Variants in KANK1 observed in about 807,000 individuals in gnomAD.
The protein encoded by KANK1 is KN motif and ankyrin repeat domains 1.
A neutral mutation model predicts 106.2 loss-of-function variants in KANK1; 109 were observed. The ratio of observed to expected loss-of-function variants is 1.03; its 90% CI spans 0.88 to 1.20. The LOEUF is 1.20. KANK1 is among the 50% of genes most tolerant of loss of function. The pLI, the probability that KANK1 is intolerant of heterozygous loss-of-function variation, is 0.00. For missense variants in KANK1, 2,399 were observed against 1,710.7 expected (o/e 1.40, Z -7.10); for synonymous variants, 873 against 652.2 (o/e 1.34, Z -5.16).
At chr9:556,789 T>G (rs1587782558) in intron 1 of KANK1, among the ~76,000 whole-genome samples, 1 of 152,198 alleles carries the variant, frequency 6.6e-6, no homozygotes, top group Non-Finnish European at 1.5e-5. Context: ...ACCTCCAATT[T>G]AATTCTTTTA....
At chr9:566,082 A>G (rs1230520122) in intron 1 of KANK1, among the ~76,000 whole-genome samples, 4 of 152,106 alleles carry the variant, frequency 2.6e-5, no homozygotes, top group African/African-American at 9.7e-5. Context: ...TGTTCTCATC[A>G]TTTAGCTCCC....
At chr9:656,730 G>A (rs1842223855) in intron 1 of KANK1, among the ~76,000 whole-genome samples, 1 of 152,134 alleles carries the variant, frequency 6.6e-6, no homozygotes, top group Non-Finnish European at 1.5e-5. Flanking sequence ...GAGAGCCTGT[G>A]ACAATAAAAA....
In KANK1 at chr9:732,467, T is replaced by C. The variant is rs762471040; in HGVS notation, c.3095T>C (p.Leu1032Pro). ...DDECDVIEYP[L>P]EEEEEEEDED... ...GAGTGTGATGTCATTGAGTATCCTC[T>C]TGAAGAAGAGGAGGAGGAGGAGGAT... The change falls in exon 6 of 12, where the codon CTT becomes CCT. Residue 1032 changes from leucine (L) to proline (P), a missense_variant. Leu to Pro is a moderately conservative substitution (Grantham distance 98, BLOSUM62 -3). Transcript: ENST00000382297. 1 of 1,614,002 alleles carries C rather than the reference T, an allele frequency of 6.2e-7. No individual in the cohort carries two copies. Among genetic ancestry groups the C allele is most frequent in the East Asian group, 2.2e-5 (1 of 44,884 alleles).
intron 1 of KANK1, among the ~76,000 whole-genome samples, chr9:648,265 G>C (rs1394201449): frequency 6.6e-6 from 1 of 151,890 alleles, no homozygotes; most frequent in African/African-American, 2.4e-5. Flanking sequence ...GCCTCCCAAA[G>C]TGCTGAGATT....
chr9:514,114 TCCTCCCTCTCTCTCTC>T (rs2059155111), intron 1 of KANK1, among the ~76,000 whole-genome samples: 3 of 115,194 alleles, frequency 2.6e-5, no homozygotes, highest in African/African-American at 8.2e-5. Context: ...CTCCCTCTCT[TCCTCCCTCTCTCTCTC>T]CCTCCCTCCC....
At chr9:654,814 TGA>T (rs57089042) in intron 1 of KANK1, among the ~76,000 whole-genome samples, 8,075 of 80,202 alleles carry the variant, frequency 0.1, 578 homozygotes, top group African/African-American at 0.17. Context: ...TGTGTGTGTG[TGA>T]GAGAGAGAGA....
chr9:654,968 A>G (rs1384634329), intron 1 of KANK1, among the ~76,000 whole-genome samples: 1 of 152,134 alleles, frequency 6.6e-6, no homozygotes, highest in East Asian at 1.9e-4. Flanking sequence ...ATAACTCTCA[A>G]ATGTAGCAGT....
Position 606,174 on chromosome 9 carries a change from C to CACAA in KANK1, c.-83-70713_-83-70712insAACA, listed in dbSNP as rs1554645573. On this transcript the variant is annotated intron_variant, in intron 1 of 11. Coordinates refer to ENST00000382297, the MANE Select transcript of KANK1 (RefSeq NM_015158.5). Reference sequence around the variant, plus strand: ...ACACACACACACACACACACACACACACACACACCACTCACACATATATAC... The same window carrying CACAA: ...ACACACACACACACACACACACACACACAAACACACACCACTCACACATATATAC... Among the ~76,000 whole-genome samples the CACAA allele has an allele frequency of 1.2e-4, 17 of 145,884 alleles. 1 individual carries two copies. The highest frequency in any genetic ancestry group is 4.2e-4 in the African/African-American group (16 of 37,830).
At chr9:613,867 C>T (rs1294481113) in intron 1 of KANK1, among the ~76,000 whole-genome samples, 2 of 152,108 alleles carry the variant, frequency 1.3e-5, no homozygotes, top group African/African-American at 2.4e-5. Context: ...GTGTGACTGT[C>T]CTAAGTACTA....
At chr9:657,606 G>A (rs1035140648) in intron 1 of KANK1, among the ~76,000 whole-genome samples, 2 of 150,252 alleles carry the variant, frequency 1.3e-5, no homozygotes, top group African/African-American at 4.9e-5. Context: ...AGTATGAGGT[G>A]ATACTGTGGT....
rs146672808 is a variant in KANK1 at position 730,403 on chromosome 9, C to G, written c.2896+155C>G. 989 of 828,432 alleles carry G rather than the reference C, an allele frequency of 1.2e-3. 5 individuals carry two copies. In the African/African-American group the frequency reaches 0.015, roughly 13 times the overall value. 51.3% of individuals were successfully genotyped at this position (828,432 alleles called of 1,614,324 possible). The stretch of plus-strand genomic sequence containing the variant: ...CCCAGAATATCTTTAAATAAGGTTA[C>G]CAAAGAGGCCGGGCATGGTGGCTCA... On this transcript the variant is annotated intron_variant, in intron 4 of 11. Coordinates refer to ENST00000382297, the MANE Select transcript of KANK1 (RefSeq NM_015158.5).
At chr9:612,140 A>T (rs1034476289) in intron 1 of KANK1, among the ~76,000 whole-genome samples, 2 of 152,204 alleles carry the variant, frequency 1.3e-5, no homozygotes, top group African/African-American at 4.8e-5. Flanking sequence ...AAAGCCACCT[A>T]TGCCTCTTAA....
intron 10 of KANK1, among the ~76,000 whole-genome samples, chr9:743,828 C>T (rs1445066365): frequency 6.6e-6 from 1 of 152,206 alleles, no homozygotes; most frequent in South Asian, 2.1e-4. Context: ...TGCCACTGCA[C>T]TGCAGCCTGG....
chr9:617,925 G>A (rs1832227429), intron 1 of KANK1, among the ~76,000 whole-genome samples: 1 of 152,172 alleles, frequency 6.6e-6, no homozygotes, highest in African/African-American at 2.4e-5. Context: ...AATGGAGGAT[G>A]ACATGAATCC....
In KANK1 at chr9:552,989, T is replaced by C. The variant is rs868548333; in HGVS notation, c.-84+48235T>C. 7.2e-5 allele frequency among the ~76,000 whole-genome samples: 11 copies of C among 152,052 alleles called. No individual in the cohort carries two copies. In the South Asian group the frequency reaches 1.9e-3, roughly 26 times the overall value. ...GCGAGACCCCTTCTCTACAAAAAAA[T>C]TAGAAAATTATCCAGGCCTGGTGGC... On this transcript the variant is annotated intron_variant, in intron 1 of 11. Coordinates refer to ENST00000382297, the MANE Select transcript of KANK1 (RefSeq NM_015158.5).
rs936805060 is a variant in KANK1 at position 676,596 on chromosome 9, T to C, written c.-83-294T>C. On this transcript the variant is annotated intron_variant, in intron 1 of 11. Transcript: ENST00000382297. ...TAGAGTGCTACACATTAGGAAGTCA[T>C]TTGTATTTGGTGACCACTTTCCTAA... Among the ~76,000 whole-genome samples, 6 of 152,294 alleles carry C rather than the reference T, an allele frequency of 3.9e-5. No homozygotes were observed. In the East Asian group the frequency reaches 1.2e-3, roughly 29 times the overall value.
At chr9:538,129 G>A (rs141145506) in intron 1 of KANK1, among the ~76,000 whole-genome samples, 2 of 151,830 alleles carry the variant, frequency 1.3e-5, no homozygotes, top group African/African-American at 4.8e-5. Flanking sequence ...TTGGGAGAGC[G>A]GAAAGAACAC....
chr9:713,068 G>A lies in KANK1; in HGVS notation c.2302G>A (p.Asp768Asn), dbSNP rs1344483166. Residue 768 changes from aspartate to asparagine, a missense_variant, in exon 3 of 12, where the codon GAC becomes AAC. Coordinates refer to ENST00000382297, the MANE Select transcript of KANK1 (RefSeq NM_015158.5). ...ESGVGQININ[D>N]NYLVGLKMRT... The stretch of plus-strand genomic sequence containing the variant: ...AGGTGTGGGGCAGATAAATATTAAC[G>A]ACAACTATCTGGTTGGTCTCAAAAT... 13 of 1,613,922 alleles carry A rather than the reference G, an allele frequency of 8.1e-6. No individual in the cohort carries two copies. The highest frequency in any genetic ancestry group is 1.0e-5 in the Non-Finnish European group (12 of 1,179,960).
At chr9:723,843 A>G (rs1219823063) in intron 3 of KANK1, among the ~76,000 whole-genome samples, 1 of 151,846 alleles carries the variant, frequency 6.6e-6, no homozygotes, top group Non-Finnish European at 1.5e-5. Context: ...CTGTAATTCC[A>G]GTACTTTCAG....
Sources: gnomAD v4.1 joint callset for allele counts (sites outside exome capture counted in the v4.1 genomes callset) on GRCh38, gnomAD v4.1.1 for gene constraint, MANE v1.5 for transcripts, NCBI Gene and HGNC (gene_info 2026-07-23, HGNC 2026-07-21) for gene names.